GBE1: variants seen among roughly 807,000 people sequenced by gnomAD.
GBE1 encodes 1,4-alpha-glucan branching enzyme 1, also known as 1,4-alpha-glucan-branching enzyme.
GBE1 carries 70 observed loss-of-function variants against 88.8 expected under a neutral mutation model. That is an observed-to-expected ratio of 0.79 (90% CI 0.65 to 0.96). The LOEUF is 0.96. GBE1 is among the 40% of genes least tolerant of loss of function. The probability of loss-of-function intolerance (pLI) is 0.00; values close to 1 mark genes in which losing one functional copy is unlikely to be tolerated. For missense variants in GBE1, 872 were observed against 871.0 expected (o/e 1.00, Z -0.01); for synonymous variants, 284 against 300.1 (o/e 0.95, Z 0.56).
At position 81,590,110 on chromosome 3, in the gene GBE1, C is replaced by T. The variant is rs551318469; in HGVS notation, c.1236+927G>A. On this transcript the variant is annotated intron_variant, in intron 9 of 15. Transcript: ENST00000429644. ...ATAAAACTATTCTCCTCTATCCAAG[C>T]GGTGAAATCATACCATTTATAAAAT... is the stretch of plus-strand genomic sequence containing the variant. Among the ~76,000 whole-genome samples, 37 of 152,014 alleles carry T rather than the reference C, an allele frequency of 2.4e-4. No individual in the cohort carries two copies. The South Asian group carries it at 3.9e-3, about 16-fold the overall frequency.
At chr3:81,606,349 G>A (rs1553685347) in intron 7 of GBE1, among the ~76,000 whole-genome samples, 1 of 152,178 alleles carries the variant, frequency 6.6e-6, no homozygotes, top group Non-Finnish European at 1.5e-5. Context: ...CATGCACCAG[G>A]TGCTATACAT....
intron 2 of GBE1, among the ~76,000 whole-genome samples, chr3:81,694,070 C>T (rs1705557688): frequency 6.6e-6 from 1 of 152,010 alleles, no homozygotes; most frequent in South Asian, 2.1e-4. Context: ...AACTCAGAGC[C>T]TTTTTGTAAG....
intron 1 of GBE1, among the ~76,000 whole-genome samples, chr3:81,727,472 T>C (rs1424117843): frequency 2.6e-5 from 4 of 152,206 alleles, no homozygotes; most frequent in African/African-American, 9.6e-5. Context: ...TACTTTTTAA[T>C]TTGAATTGTT....
chr3:81,756,735 T>A (rs1287428599), intron 1 of GBE1, among the ~76,000 whole-genome samples: 1 of 151,928 alleles, frequency 6.6e-6, no homozygotes, highest in African/African-American at 2.4e-5. Context: ...ATAGGAACTA[T>A]CCTAAGGTAG....
chr3:81,515,005 GA>G (rs201887288), intron 14 of GBE1, among the ~76,000 whole-genome samples: 17 of 149,756 alleles, frequency 1.1e-4, no homozygotes, highest in East Asian at 3.9e-4. Context: ...TTTTTAAATA[GA>G]AAAAAAAACA....
chr3:81,667,031 T>C (rs995610526), intron 3 of GBE1, among the ~76,000 whole-genome samples: 3 of 152,224 alleles, frequency 2.0e-5, no homozygotes, highest in Non-Finnish European at 2.9e-5. Context: ...TTCTGATTGT[T>C]ATTTGAAAAT....
In GBE1 at chr3:81,591,184, T is replaced by A. The variant is rs774422616; in HGVS notation, c.1109-20A>T. On this transcript the variant is annotated intron_variant, in intron 8 of 15. Coordinates refer to ENST00000429644, the MANE Select transcript of GBE1 (RefSeq NM_000158.4). ...CTTGACCTTAGAAAAAGAAAATCAA[T>A]ACGGATATATTATGTTAACAAGCAA... 3 of 1,572,070 alleles carry A rather than the reference T, an allele frequency of 1.9e-6. No homozygotes were observed. The highest frequency in any genetic ancestry group is 2.6e-6 in the Non-Finnish European group (3 of 1,153,542).
chr3:81,729,351 C>T (rs1300066157), intron 1 of GBE1, among the ~76,000 whole-genome samples: 1 of 152,158 alleles, frequency 6.6e-6, no homozygotes, highest in Non-Finnish European at 1.5e-5. Flanking sequence ...ATGCATGAGC[C>T]TGTAGAACAG....
rs1219385680 is a variant in GBE1 at position 81,595,103 on chromosome 3, T to C, written c.993-1080A>G. On this transcript the variant is annotated intron_variant, in intron 7 of 15. Coordinates refer to ENST00000429644, the MANE Select transcript of GBE1 (RefSeq NM_000158.4). Reference sequence around the variant, plus strand: ...AATTAACTGTTTTAAATAAGTTACTTTGAGTTTCGAAAATTTACTAAGTTA... The same window carrying C: ...AATTAACTGTTTTAAATAAGTTACTCTGAGTTTCGAAAATTTACTAAGTTA... Among the ~76,000 whole-genome samples, 3 of 151,102 alleles carry C rather than the reference T, an allele frequency of 2.0e-5. No homozygotes were observed. In the South Asian group the frequency reaches 6.3e-4, roughly 32 times the overall value.
chr3:81,646,446 T>A lies in GBE1; in HGVS notation c.728A>T (p.His243Leu). The change falls in exon 6 of 16, where the codon CAT becomes CTT. Residue 243 changes from histidine to leucine, a missense_variant. By Grantham distance (99) the His-to-Leu change is moderately conservative (BLOSUM62 -3). Coordinates refer to ENST00000429644, the MANE Select transcript of GBE1 (RefSeq NM_000158.4). The stretch of plus-strand genomic sequence containing the variant: ...GTAACCAAAGCTGGCATAGTAAGCA[T>A]GCTCCATGATTGCCATCAACTGAAT... ...NCIQLMAIME[H>L]AYYASFGYQI... is the part of the protein sequence containing the mutation. 3 of 1,605,950 alleles carry A rather than the reference T, an allele frequency of 1.9e-6. No homozygotes were observed. The highest frequency in any genetic ancestry group is 2.6e-6 in the Non-Finnish European group (3 of 1,176,306).
At chr3:81,548,015 G>C (rs1166093905) in intron 12 of GBE1, among the ~76,000 whole-genome samples, 3 of 151,252 alleles carry the variant, frequency 2.0e-5, no homozygotes, top group Non-Finnish European at 4.4e-5. Flanking sequence ...ACTTTCTCTT[G>C]GTCTCTGCTG....
intron 12 of GBE1, among the ~76,000 whole-genome samples, chr3:81,575,366 A>G (rs977263423): frequency 6.6e-6 from 1 of 152,180 alleles, no homozygotes; most frequent in Non-Finnish European, 1.5e-5. Flanking sequence ...AACCAGAGTG[A>G]AAGAATTTTT....
intron 12 of GBE1, among the ~76,000 whole-genome samples, chr3:81,543,078 T>C (rs536784159): frequency 6.6e-6 from 1 of 152,240 alleles, no homozygotes; most frequent in African/African-American, 2.4e-5. Context: ...TCAAGAAGCA[T>C]ATTCATATAA....
intron 1 of GBE1, among the ~76,000 whole-genome samples, chr3:81,751,249 T>C (rs1327740844): frequency 6.6e-6 from 1 of 152,194 alleles, no homozygotes; most frequent in Admixed American, 6.5e-5. Flanking sequence ...ACAGAATGAT[T>C]TGTGCATAGA....
At chr3:81,645,388 C>G (rs560434339) in intron 6 of GBE1, among the ~76,000 whole-genome samples, 2 of 152,132 alleles carry the variant, frequency 1.3e-5, no homozygotes. Context: ...AAGAAGGTGA[C>G]AGTAACCAGC....
chr3:81,590,980 T>A, intron 9 of GBE1, 57 bp downstream of exon 9: 1 of 1,462,536 alleles, frequency 6.8e-7, no homozygotes, highest in Non-Finnish European at 9.3e-7. Flanking sequence ...TACTGTATGC[T>A]GACAAAATAC....
intron 1 of GBE1, 67 bp downstream of exon 1, chr3:81,761,308 T>G (rs1464642413): frequency 6.5e-7 from 1 of 1,533,784 alleles, no homozygotes; most frequent in Non-Finnish European, 8.8e-7. Flanking sequence ...GGGCGGCCCG[T>G]GTCCCGAGAC....
At chr3:81,526,911 A>T (rs1348142120) in intron 14 of GBE1, among the ~76,000 whole-genome samples, 1 of 152,138 alleles carries the variant, frequency 6.6e-6, no homozygotes, top group African/African-American at 2.4e-5. Flanking sequence ...CGCATTGCCA[A>T]GTCAATCCTA....
chr3:81,555,114 T>G (rs1310985978), intron 12 of GBE1, among the ~76,000 whole-genome samples: 1 of 152,204 alleles, frequency 6.6e-6, no homozygotes, highest in Non-Finnish European at 1.5e-5. Context: ...AGGTTCTCAG[T>G]GTTTGTACTT....
Sources: gnomAD v4.1 joint callset for allele counts (sites outside exome capture counted in the v4.1 genomes callset) on GRCh38, gnomAD v4.1.1 for gene constraint, MANE v1.5 for transcripts, NCBI Gene and HGNC (gene_info 2026-07-23, HGNC 2026-07-21) for gene names.